The following ANKIB1 variants were observed in gnomAD, a reference collection of about 807,000 sequenced individuals.
The protein encoded by ANKIB1 is ankyrin repeat and IBR domain containing 1, also known as ankyrin repeat and IBR domain-containing protein 1.
ANKIB1 carries 43 observed loss-of-function variants against 122.1 expected under a neutral mutation model. The ratio of observed to expected loss-of-function variants is 0.35; its 90% confidence interval spans 0.28 to 0.45. The LOEUF is 0.45. ANKIB1 is among the 20% of genes least tolerant of loss of function. The probability of loss-of-function intolerance (pLI) is 1.00; values close to 1 mark genes in which losing one functional copy is unlikely to be tolerated. For missense variants in ANKIB1, 992 were observed against 1,329.5 expected, an observed-to-expected ratio of 0.75 and a Z score of 3.95; for synonymous variants, 390 against 442.0, an observed-to-expected ratio of 0.88 and a Z score of 1.48.
intron 4 of ANKIB1, among the ~76,000 whole-genome samples, chr7:92,323,134 T>C (rs1802949567): frequency 6.6e-6 from 1 of 152,198 alleles, no homozygotes; most frequent in South Asian, 2.1e-4. Flanking sequence ...ATAGTTCCTA[T>C]ATGTCTTTAG....
chr7:92,277,319 C>T (rs1040304756), intron 1 of ANKIB1, among the ~76,000 whole-genome samples: 1 of 152,200 alleles, frequency 6.6e-6, no homozygotes, highest in Non-Finnish European at 1.5e-5. Context: ...CATATGCAGA[C>T]AGTCCTTGAC....
intron 1 of ANKIB1, among the ~76,000 whole-genome samples, chr7:92,248,867 T>C (rs1035716151): frequency 1.5e-4 from 23 of 150,116 alleles, no homozygotes; most frequent in Admixed American, 9.3e-4. Context: ...CCAGATACTT[T>C]TTTTCTTTTT....
chr7:92,319,600 TTGTG>T (rs1802862071), intron 4 of ANKIB1, 88 bp downstream of exon 4: 2 of 1,289,020 alleles, frequency 1.6e-6, no homozygotes, highest in Non-Finnish European at 2.2e-6. Flanking sequence ...AAAACTCAGT[TTGTG>T]TGTTCTTCTT....
At position 92,392,290 on chromosome 7, in the gene ANKIB1, G is replaced by T; in HGVS notation, c.2281G>T (p.Glu761Ter). 6.2e-7 allele frequency: 1 copy of T among 1,609,998 alleles called. No homozygotes were observed. The highest frequency in any genetic ancestry group is 8.5e-7 in the Non-Finnish European group (1 of 1,177,770). ...DWEYLGFASPEEYAEFQYRRR... is the reference protein window; with the variant it reads ...DWEYLGFASP ...GGAATATTTAGGATTTGCATCACCA[G>T]AGGTAATTGTTTTATGGGGTTTTTG... Residue 761 changes from glutamate to a stop codon, truncating the protein, a stop_gained and splice_region_variant, in exon 17 of 20, where the codon GAG (glutamate) becomes TAG (stop). Transcript: ENST00000265742. LOFTEE classifies it high-confidence loss of function.
intron 3 of ANKIB1, among the ~76,000 whole-genome samples, chr7:92,310,727 C>T (rs1802675960): frequency 1.3e-5 from 2 of 152,182 alleles, no homozygotes; most frequent in South Asian, 2.1e-4. Flanking sequence ...CTCTAGATTG[C>T]GTATAATACC....
At chr7:92,282,702 G>C (rs1369114606) in intron 1 of ANKIB1, among the ~76,000 whole-genome samples, 1 of 152,128 alleles carries the variant, frequency 6.6e-6, no homozygotes, top group Non-Finnish European at 1.5e-5. Context: ...TGAATTCAAA[G>C]TTTGAAAAAT....
At chr7:92,250,344 G>A (rs1390403179) in intron 1 of ANKIB1, among the ~76,000 whole-genome samples, 1 of 152,208 alleles carries the variant, frequency 6.6e-6, no homozygotes, top group Non-Finnish European at 1.5e-5. Context: ...AGTGAGCCGA[G>A]ATCACGCCAT....
At chr7:92,361,701 TCAAGCTTTG>T (rs1803949895) in intron 9 of ANKIB1, among the ~76,000 whole-genome samples, 1 of 152,198 alleles carries the variant, frequency 6.6e-6, no homozygotes, top group Admixed American at 6.5e-5. Context: ...TCTAATGGTA[TCAAGCTTTG>T]GAATCTCATT....
intron 5 of ANKIB1, among the ~76,000 whole-genome samples, chr7:92,340,106 T>A (rs993032611): frequency 6.6e-6 from 1 of 152,204 alleles, no homozygotes; most frequent in African/African-American, 2.4e-5. Flanking sequence ...AATTTTTTTT[T>A]AAATGATGGC....
chr7:92,356,441 A>G (rs1038402937), intron 9 of ANKIB1, among the ~76,000 whole-genome samples: 1 of 152,234 alleles, frequency 6.6e-6, no homozygotes, highest in Non-Finnish European at 1.5e-5. Flanking sequence ...AGAAATAAAA[A>G]CATGATACTA....
At chr7:92,264,425 T>C (rs960072502) in intron 1 of ANKIB1, among the ~76,000 whole-genome samples, 2 of 151,992 alleles carry the variant, frequency 1.3e-5, no homozygotes, top group Admixed American at 1.3e-4. Context: ...TGAGACAGAG[T>C]CTTGCCCTGT....
intron 11 of ANKIB1, among the ~76,000 whole-genome samples, chr7:92,376,902 G>A (rs1804394367): frequency 6.6e-6 from 1 of 152,134 alleles, no homozygotes; most frequent in African/African-American, 2.4e-5. Flanking sequence ...ATTAGGATTT[G>A]GCTTAAGGGA....
chr7:92,376,506 A>G lies in ANKIB1; in HGVS notation c.1617+4899A>G, dbSNP rs937357644. Among the ~76,000 whole-genome samples the G allele has an allele frequency of 5.3e-5, 8 of 149,978 alleles. No homozygotes were observed. The East Asian group carries it at 8.0e-4, about 15-fold the overall frequency. ...CTCTTGTCCCCCAGGCTGGTGTGCA[A>G]TGGTGGATCTCAGCTCACTGCAACC... On this transcript the variant is annotated intron_variant, in intron 11 of 19. Coordinates refer to ENST00000265742, the MANE Select transcript of ANKIB1 (RefSeq NM_019004.2).
At chr7:92,384,503 A>AACCAAAACAGCATGGTACTGGT (rs1413688148) in intron 11 of ANKIB1, among the ~76,000 whole-genome samples, 27 of 152,328 alleles carry the variant, frequency 1.8e-4, no homozygotes, top group Admixed American at 1.7e-3. Flanking sequence ...AGGCTACAGT[A>AACCAAAACAGCATGGTACTGGT]ACCAAAACAG....
At chr7:92,315,836 A>T (rs926010976) in intron 3 of ANKIB1, among the ~76,000 whole-genome samples, 1 of 152,194 alleles carries the variant, frequency 6.6e-6, no homozygotes, top group Non-Finnish European at 1.5e-5. Context: ...GTTGGTATCA[A>T]TAACTAATTT....
intron 2 of ANKIB1, among the ~76,000 whole-genome samples, chr7:92,297,600 C>T (rs1802381877): frequency 6.6e-6 from 1 of 152,006 alleles, no homozygotes; most frequent in Non-Finnish European, 1.5e-5. Context: ...TTCCTTTTGC[C>T]CTAAACTTAT....
intron 11 of ANKIB1, among the ~76,000 whole-genome samples, chr7:92,376,092 A>G (rs1804373198): frequency 6.6e-6 from 1 of 152,216 alleles, no homozygotes; most frequent in South Asian, 2.1e-4. Context: ...GCTGCCATCC[A>G]GGCTTCATTG....
intron 10 of ANKIB1, among the ~76,000 whole-genome samples, chr7:92,370,350 T>C (rs1266291210): frequency 6.6e-6 from 1 of 150,582 alleles, no homozygotes; most frequent in Non-Finnish European, 1.5e-5. Flanking sequence ...CTACTAAAAA[T>C]ACAAAAAATT....
intron 1 of ANKIB1, among the ~76,000 whole-genome samples, chr7:92,273,739 C>G (rs1336481922): frequency 6.6e-6 from 1 of 151,684 alleles, no homozygotes; most frequent in Non-Finnish European, 1.5e-5. Flanking sequence ...AGATTCACTA[C>G]TTAACATTGG....
Sources: allele counts gnomAD v4.1 joint callset (sites outside exome capture counted in the v4.1 genomes callset), GRCh38; gene constraint gnomAD v4.1.1; transcripts MANE v1.5; gene names NCBI Gene and HGNC (gene_info 2026-07-23, HGNC 2026-07-21).